Variants in LOC128462377 observed in about 807,000 individuals in gnomAD.
the LOC128462377 span, among the ~76,000 whole-genome samples, chr16:89,329,518 TGTAA>T: frequency 5.3e-5 from 8 of 152,214 alleles, no homozygotes; most frequent in African/African-American, 1.9e-4. Context: ...CCCACTGAGC[TGTAA>T]ATTTAAAATG....
chr16:89,362,896 C>A, the LOC128462377 span, among the ~76,000 whole-genome samples: 3 of 152,006 alleles, frequency 2.0e-5, no homozygotes, highest in African/African-American at 7.3e-5. Flanking sequence ...GCTAGCCAAT[C>A]GGGACAAATA....
the LOC128462377 span, among the ~76,000 whole-genome samples, chr16:89,339,598 A>C: frequency 6.6e-6 from 1 of 152,228 alleles, no homozygotes; most frequent in Non-Finnish European, 1.5e-5. Context: ...TACACAGAAA[A>C]TATTTTCTAA....
chr16:89,317,218 A>T, the LOC128462377 span: 1 of 688,166 alleles, frequency 1.5e-6, no homozygotes, highest in Non-Finnish European at 2.6e-6. Flanking sequence ...GGCCAGGCCC[A>T]GGAAGGGACT....
chr16:89,346,017 G>A, the LOC128462377 span, among the ~76,000 whole-genome samples: 264 of 152,136 alleles, frequency 1.7e-3, 1 homozygote, highest in Non-Finnish European at 2.7e-3. Flanking sequence ...CAAAGCAGGC[G>A]GATCACTTGA....
chr16:89,317,234 G>T, the LOC128462377 span, among the ~76,000 whole-genome samples: 1 of 152,224 alleles, frequency 6.6e-6, no homozygotes, highest in African/African-American at 2.4e-5. Context: ...GGACTTCTCA[G>T]GATACGCCTC....
At chr16:89,400,970 G>A in the LOC128462377 span, among the ~76,000 whole-genome samples, 17 of 152,188 alleles carry the variant, frequency 1.1e-4, no homozygotes, top group African/African-American at 3.6e-4. Flanking sequence ...GTCTGCCCCG[G>A]GGCTGCCTGG....
the LOC128462377 span, among the ~76,000 whole-genome samples, chr16:89,413,248 T>A: frequency 1.3e-5 from 2 of 152,252 alleles, no homozygotes; most frequent in Non-Finnish European, 1.5e-5. Flanking sequence ...TTATTTATCT[T>A]GGCATAATTA....
the LOC128462377 span, among the ~76,000 whole-genome samples, chr16:89,417,143 G>C: frequency 1.3e-5 from 2 of 152,150 alleles, no homozygotes; most frequent in African/African-American, 4.8e-5. Flanking sequence ...AAAGAATTCA[G>C]TCATATGAAA....
chr16:89,406,185 T>C, the LOC128462377 span, among the ~76,000 whole-genome samples: 1 of 151,942 alleles, frequency 6.6e-6, no homozygotes, highest in African/African-American at 2.4e-5. Flanking sequence ...TTGTTTTCTA[T>C]TTCTTAATAA....
At chr16:89,349,436 C>T in the LOC128462377 span, among the ~76,000 whole-genome samples, 8 of 152,016 alleles carry the variant, frequency 5.3e-5, no homozygotes, top group Non-Finnish European at 1.2e-4. Flanking sequence ...GCTGAGATCG[C>T]GCCACTGCAC....
chr16:89,387,401 G>A, the LOC128462377 span, among the ~76,000 whole-genome samples: 3 of 152,034 alleles, frequency 2.0e-5, no homozygotes, highest in Non-Finnish European at 4.4e-5. Context: ...GGCCGGGCGC[G>A]GTGGCTCACT....
chr16:89,348,886 A>C, the LOC128462377 span, among the ~76,000 whole-genome samples: 1 of 151,348 alleles, frequency 6.6e-6, no homozygotes, highest in East Asian at 1.9e-4. Context: ...AAAAAAAAAA[A>C]AAACACCCAG....
At chr16:89,361,158 C>T in the LOC128462377 span, among the ~76,000 whole-genome samples, 3,223 of 152,294 alleles carry the variant, frequency 0.021, 127 homozygotes, top group African/African-American at 0.074. Context: ...TTCCTGTAAG[C>T]CTGAAACCCT....
At chr16:89,398,763 A>G in the LOC128462377 span, among the ~76,000 whole-genome samples, 3 of 151,992 alleles carry the variant, frequency 2.0e-5, no homozygotes, top group Non-Finnish European at 2.9e-5. Context: ...AAATCCCAAT[A>G]CACTGTTAGT....
At chr16:89,356,364 C>T in the LOC128462377 span, among the ~76,000 whole-genome samples, 2 of 151,912 alleles carry the variant, frequency 1.3e-5, no homozygotes, top group African/African-American at 4.8e-5. Context: ...TGTGATCCAT[C>T]AGCCAACCCT....
At chr16:89,361,766 A>C in the LOC128462377 span, 2 of 152,252 alleles carry the variant, frequency 1.3e-5, no homozygotes, top group African/African-American at 4.8e-5. Context: ...AAATGTCTCT[A>C]AGGACTAAGG....
At chr16:89,330,054 T>C in the LOC128462377 span, among the ~76,000 whole-genome samples, 1 of 151,148 alleles carries the variant, frequency 6.6e-6, no homozygotes, top group Non-Finnish European at 1.5e-5. Flanking sequence ...ATTTTGTTTA[T>C]GTATTCACAT....
chr16:89,413,728 C>A, the LOC128462377 span, among the ~76,000 whole-genome samples: 46 of 152,294 alleles, frequency 3.0e-4, no homozygotes, highest in Admixed American at 7.2e-4. Context: ...CGCCAGGAAC[C>A]CCTGGAGCAT....
the LOC128462377 span, among the ~76,000 whole-genome samples, chr16:89,381,354 A>AAAAAAAAAAAAAAG: frequency 1.8e-4 from 22 of 125,330 alleles, no homozygotes; most frequent in African/African-American, 6.9e-4. Flanking sequence ...AAAAAAAAAA[A>AAAAAAAAAAAAAAG]GGGGTGAGAA....
Sources: allele counts gnomAD v4.1 joint callset (sites outside exome capture counted in the v4.1 genomes callset), GRCh38; gene constraint gnomAD v4.1.1; transcripts MANE v1.5.